ZNF385B: variants seen among roughly 807,000 people sequenced by gnomAD.
ZNF385B encodes zinc finger protein 533.
ZNF385B carries 23 observed loss-of-function variants against 39.2 expected under a neutral mutation model. The observed-to-expected ratio is 0.59, with a 90% CI of 0.42 to 0.83. The LOEUF is 0.83. Among genes scored for constraint, ZNF385B ranks in the 40% least tolerant of loss-of-function variants. The probability of loss-of-function intolerance (pLI) is 0.00; values close to 1 mark genes in which losing one functional copy is unlikely to be tolerated. For missense variants in ZNF385B, 552 were observed against 598.9 expected (o/e 0.92, Z 0.82); for synonymous variants, 205 against 222.6 (o/e 0.92, Z 0.70).
At chr2:179,477,502 G>A (rs892606946) in intron 6 of ZNF385B, among the ~76,000 whole-genome samples, 2 of 152,140 alleles carry the variant, frequency 1.3e-5, no homozygotes, top group Non-Finnish European at 2.9e-5. Flanking sequence ...GGGCATGGGT[G>A]TGGGATAAAT....
At chr2:179,849,592 A>G (rs958836522) in intron 1 of ZNF385B, among the ~76,000 whole-genome samples, 4 of 152,228 alleles carry the variant, frequency 2.6e-5, no homozygotes, top group African/African-American at 9.6e-5. Flanking sequence ...CAGAAGTGAA[A>G]GAATATTCCG....
At chr2:179,556,962 A>G (rs2060947743) in intron 3 of ZNF385B, among the ~76,000 whole-genome samples, 1 of 149,374 alleles carries the variant, frequency 6.7e-6, no homozygotes, top group Admixed American at 6.7e-5. Context: ...TTTATTTTGG[A>G]AACCTCCCTA....
chr2:179,465,157 T>C (rs1223385275), intron 6 of ZNF385B, among the ~76,000 whole-genome samples: 1 of 152,172 alleles, frequency 6.6e-6, no homozygotes, highest in Non-Finnish European at 1.5e-5. Flanking sequence ...TCACCTTTGA[T>C]GTTCATGAAA....
At chr2:179,777,769 GT>G (rs71029831) in intron 1 of ZNF385B, among the ~76,000 whole-genome samples, 12,221 of 143,658 alleles carry the variant, frequency 0.085, 503 homozygotes, top group Non-Finnish European at 0.11. Context: ...ATATCAAGAG[GT>G]TTTTTTTTTT....
chr2:179,505,308 A>T (rs897614251), intron 5 of ZNF385B, among the ~76,000 whole-genome samples: 2 of 150,220 alleles, frequency 1.3e-5, no homozygotes, highest in East Asian at 1.9e-4. Flanking sequence ...AGCAACTATA[A>T]AAAAAAAAGG....
chr2:179,539,558 A>G (rs948276863), intron 4 of ZNF385B, among the ~76,000 whole-genome samples: 3 of 152,162 alleles, frequency 2.0e-5, no homozygotes, highest in Non-Finnish European at 4.4e-5. Flanking sequence ...GGGGAACTAA[A>G]CACCAAGTAT....
At position 179,810,868 on chromosome 2, in the gene ZNF385B, G is replaced by C. The variant is rs183109198; in HGVS notation, c.-154-40196C>G. ...AAATGGGAATATAAGAAGTCAAACT[G>C]TCCCTCCTCACTGAAGATATGATTT... On this transcript the variant is annotated intron_variant, in intron 1 of 9. Transcript: ENST00000410066. 2.7e-3 allele frequency among the ~76,000 whole-genome samples: 405 copies of C among 152,110 alleles called. 3 individuals are homozygous for C. Among genetic ancestry groups the C allele is most frequent in the African/African-American group, 9.4e-3 (389 of 41,540 alleles).
intron 3 of ZNF385B, among the ~76,000 whole-genome samples, chr2:179,706,678 T>C (rs1229997381): frequency 6.6e-6 from 1 of 152,310 alleles, no homozygotes; most frequent in Non-Finnish European, 1.5e-5. Context: ...GGGTTGAAAC[T>C]GACTGAGCAA....
At chr2:179,511,908 C>T (rs1313878395) in intron 5 of ZNF385B, among the ~76,000 whole-genome samples, 1 of 152,032 alleles carries the variant, frequency 6.6e-6, no homozygotes, top group Non-Finnish European at 1.5e-5. Context: ...GATCACAAAC[C>T]TAGAGGTACC....
rs796410359 is a variant in ZNF385B at position 179,548,167 on chromosome 2, T to TA, written c.299-3199dup. On this transcript the variant is annotated intron_variant, in intron 3 of 9. Transcript: ENST00000410066. ...AATATAAGATGATACCATCTGCAAA[T>TA]AATGATAATTTGACTTTTTCCTTTC... is the stretch of plus-strand genomic sequence containing the variant. Among the ~76,000 whole-genome samples the TA allele has an allele frequency of 1.1e-4, 17 of 149,876 alleles. 3 individuals carry two copies. The highest frequency in any genetic ancestry group is 4.3e-4 in the African/African-American group (17 of 39,980).
At position 179,768,903 on chromosome 2, in the gene ZNF385B, G is replaced by A. The variant is rs370138897; in HGVS notation, c.298+600C>T. Among the ~76,000 whole-genome samples the A allele has an allele frequency of 1.8e-4, 27 of 152,332 alleles. No individual in the cohort carries two copies. The East Asian group carries it at 3.3e-3, about 18-fold the overall frequency. On this transcript the variant is annotated intron_variant, in intron 3 of 9. Coordinates refer to ENST00000410066, the MANE Select transcript of ZNF385B (RefSeq NM_152520.6). ...TATCCAGCCCACAAGGAAAGGGTGA[G>A]AGGCAAGTGAAAGCGATGGATGATG...
intron 3 of ZNF385B, among the ~76,000 whole-genome samples, chr2:179,635,343 T>C (rs1252017707): frequency 8.0e-6 from 1 of 124,366 alleles, no homozygotes; most frequent in Non-Finnish European, 1.6e-5. Flanking sequence ...ATGAGATCAC[T>C]TGGACACAGA....
At chr2:179,760,672 G>T (rs527482662) in intron 3 of ZNF385B, among the ~76,000 whole-genome samples, 1 of 152,132 alleles carries the variant, frequency 6.6e-6, no homozygotes, top group South Asian at 2.1e-4. Context: ...CTTGAGATGA[G>T]GAAACAATCC....
In ZNF385B at chr2:179,837,301, C is replaced by T. The variant is rs150016103; in HGVS notation, c.-155+23800G>A. ...ATCAATCATTTACCCTAGCATACTT[C>T]ATTACGATGTGCTTGGATTTTATTT... On this transcript the variant is annotated intron_variant, in intron 1 of 9. Transcript: ENST00000410066. 5.9e-3 allele frequency among the ~76,000 whole-genome samples: 898 copies of T among 152,274 alleles called. 13 individuals carry two copies. Among genetic ancestry groups the T allele is most frequent in the African/African-American group, 0.021 (870 of 41,550 alleles).
At chr2:179,663,122 A>G (rs1694694818) in intron 3 of ZNF385B, among the ~76,000 whole-genome samples, 3 of 152,186 alleles carry the variant, frequency 2.0e-5, no homozygotes, top group Admixed American at 1.3e-4. Flanking sequence ...TGACGGTGTG[A>G]GGATCAAACC....
At chr2:179,785,767 C>T (rs1704959593) in intron 1 of ZNF385B, among the ~76,000 whole-genome samples, 1 of 152,074 alleles carries the variant, frequency 6.6e-6, no homozygotes, top group Non-Finnish European at 1.5e-5. Flanking sequence ...AAAGTGGTTT[C>T]TTGAGATGGA....
chr2:179,804,972 A>G (rs1414672640), intron 1 of ZNF385B, among the ~76,000 whole-genome samples: 3 of 152,156 alleles, frequency 2.0e-5, no homozygotes, highest in Non-Finnish European at 2.9e-5. Context: ...CAATTCCTCC[A>G]GTTCAATATA....
intron 5 of ZNF385B, among the ~76,000 whole-genome samples, chr2:179,494,500 T>C (rs986856066): frequency 6.6e-6 from 1 of 152,176 alleles, no homozygotes; most frequent in Non-Finnish European, 1.5e-5. Flanking sequence ...TTAACGGATA[T>C]TTATAATTTT....
intron 1 of ZNF385B, among the ~76,000 whole-genome samples, chr2:179,801,404 CTCCTGTACT>C (rs895199595): frequency 1.3e-5 from 2 of 152,048 alleles, no homozygotes; most frequent in Admixed American, 6.6e-5. Flanking sequence ...CCCTGTACAT[CTCCTGTACT>C]TCCTGTACTT....
Sources: gnomAD v4.1 joint callset for allele counts (sites outside exome capture counted in the v4.1 genomes callset) on GRCh38, gnomAD v4.1.1 for gene constraint, MANE v1.5 for transcripts, NCBI Gene and HGNC (gene_info 2026-07-23, HGNC 2026-07-21) for gene names.